CDC16: variants seen among roughly 807,000 people sequenced by gnomAD.
CDC16 encodes the protein cell division cycle protein 16 homolog.
Under a neutral mutation model 87.0 loss-of-function variants are expected in CDC16, and 34 were observed. The ratio of observed to expected loss-of-function variants is 0.39; its 90% CI spans 0.30 to 0.52. CDC16 has a LOEUF of 0.52. Among genes scored for constraint, CDC16 ranks in the 20% least tolerant of loss-of-function variants. The pLI is 0.74. For synonymous variants in CDC16, 263 were observed against 260.6 expected (o/e 1.01, Z -0.09); for missense variants, 653 against 751.9 (o/e 0.87, Z 1.54).
intron 8 of CDC16, 23 bp from the exon 9 acceptor site, chr13:114,244,867 T>TAA (rs757314247): frequency 3.5e-5 from 54 of 1,555,178 alleles, no homozygotes; most frequent in Non-Finnish European, 4.6e-5. Flanking sequence ...TTGGGGGTAG[T>TAA]AATGTGTCGC....
chr13:114,263,052 A>G (rs754116190), intron 16 of CDC16, 38 bp downstream of exon 16: 1 of 1,560,756 alleles, frequency 6.4e-7, no homozygotes, highest in South Asian at 1.1e-5. Context: ...AAATCTGGTT[A>G]ACATTGACCA....
chr13:114,270,204 G>C (rs950370638), intron 17 of CDC16, among the ~76,000 whole-genome samples: 6 of 152,098 alleles, frequency 3.9e-5, no homozygotes, highest in African/African-American at 1.4e-4. Flanking sequence ...TGGCTTCCGG[G>C]GAGGCCTCAG....
chr13:114,235,126 C>G lies in CDC16; in HGVS notation c.42C>G (p.Leu14=), dbSNP rs1330715994. 18 of 1,244,238 alleles carry G rather than the reference C, an allele frequency of 1.4e-5. No individual in the cohort carries two copies. The highest frequency in any genetic ancestry group is 3.1e-5 in the East Asian group (1 of 31,816). 77.1% of individuals were successfully genotyped at this position (1,244,238 alleles called of 1,614,324 possible). Residue 14 remains leucine (L), a synonymous_variant, in exon 1 of 18, where the codon CTC becomes CTG. Transcript: ENST00000356221. ...TGCGGAAGCGCGTCCGGCAGTACCT[C>G]GACCAGGTGGGCGGCCCCGACTCGG... ...ERLRKRVRQY[L]DQQQYQSALF...
At position 114,254,329 on chromosome 13, in the gene CDC16, T is replaced by C. The variant is rs141790317; in HGVS notation, c.1098-2749T>C. Reference sequence around the variant, plus strand: ...CCTGTATTTCTTCTTTTGTGTTGAGTAAATATTTTATAATGTCCCATTTTA... The same window carrying C: ...CCTGTATTTCTTCTTTTGTGTTGAGCAAATATTTTATAATGTCCCATTTTA... On this transcript the variant is annotated intron_variant, in intron 12 of 17. Coordinates refer to ENST00000356221, the MANE Select transcript of CDC16 (RefSeq NM_001078645.3). 3.7e-4 allele frequency among the ~76,000 whole-genome samples: 56 copies of C among 152,348 alleles called. No individual in the cohort carries two copies. In the East Asian group the frequency reaches 9.4e-3, roughly 26 times the overall value.
chr13:114,246,659 C>T (rs901528643), intron 10 of CDC16, among the ~76,000 whole-genome samples: 1 of 152,200 alleles, frequency 6.6e-6, no homozygotes, highest in Non-Finnish European at 1.5e-5. Flanking sequence ...GGGAGATGAG[C>T]AGTGCAGGGG....
Position 114,243,978 on chromosome 13 carries a change from G to A in CDC16, c.756G>A (p.Lys252=), listed in dbSNP as rs1566644213. The A allele has an allele frequency of 2.5e-6, 4 of 1,608,278 alleles. No homozygotes were observed. Among genetic ancestry groups the A allele is most frequent in the Non-Finnish European group, 3.4e-6 (4 of 1,175,386 alleles). Reference sequence around the variant, plus strand: ...ACTGTGATTTTAAAATGTGCTACAAGCTTACTTCTGTGTAAGTATATCCAT... The same window carrying A: ...ACTGTGATTTTAAAATGTGCTACAAACTTACTTCTGTGTAAGTATATCCAT... ...YYNCDFKMCY[K]LTSVVMEKDP... Residue 252 remains lysine, a synonymous_variant, in exon 8 of 18, where the codon AAG becomes AAA. Transcript: ENST00000356221.
At chr13:114,254,326 G>C (rs1343928666) in intron 12 of CDC16, among the ~76,000 whole-genome samples, 1 of 151,952 alleles carries the variant, frequency 6.6e-6, no homozygotes, top group Non-Finnish European at 1.5e-5. Context: ...CTTTTGTGTT[G>C]AGTAAATATT....
At chr13:114,259,286 A>G (rs534129357) in intron 13 of CDC16, 49 bp from the exon 14 acceptor site, 3 of 1,396,460 alleles carry the variant, frequency 2.1e-6, no homozygotes, top group African/African-American at 1.5e-5. Context: ...TTTAAAGTTT[A>G]TATTTGCTAA....
At chr13:114,246,879 A>G in intron 10 of CDC16, 52 bp from the exon 11 acceptor site, 4 of 1,115,034 alleles carry the variant, frequency 3.6e-6, no homozygotes, top group Non-Finnish European at 5.5e-6. Context: ...GCAGATTCCA[A>G]TTAGATATTC....
chr13:114,236,454 G>A (rs141006834), intron 1 of CDC16, among the ~76,000 whole-genome samples, 191 bp from the exon 2 acceptor site: 1 of 152,204 alleles, frequency 6.6e-6, no homozygotes, highest in Non-Finnish European at 1.5e-5. Flanking sequence ...TGTTTGTATT[G>A]CGACACTGAA....
intron 17 of CDC16, among the ~76,000 whole-genome samples, chr13:114,271,802 T>C (rs2083694491): frequency 6.6e-6 from 1 of 152,142 alleles, no homozygotes; most frequent in African/African-American, 2.4e-5. Flanking sequence ...TTCTTACCTG[T>C]AACAGCTGAG....
intron 17 of CDC16, among the ~76,000 whole-genome samples, chr13:114,267,791 C>A (rs2083334274): frequency 6.9e-6 from 1 of 145,572 alleles, no homozygotes. Context: ...TGAAACATGG[C>A]TGGATTTTTC....
chr13:114,242,913 T>TA (rs2081627377), intron 6 of CDC16, among the ~76,000 whole-genome samples: 2 of 151,910 alleles, frequency 1.3e-5, no homozygotes, highest in African/African-American at 4.8e-5. Context: ...TATCTAGTGG[T>TA]TAGTGGCCAG....
intron 17 of CDC16, among the ~76,000 whole-genome samples, chr13:114,268,680 G>C (rs1026621491): frequency 6.6e-6 from 1 of 152,194 alleles, no homozygotes; most frequent in African/African-American, 2.4e-5. Context: ...AAACCATAAT[G>C]ATGGTGGTGT....
Position 114,240,127 on chromosome 13 carries a change from T to C in CDC16, c.381+637T>C, listed in dbSNP as rs17291083. ...TCACAGAGCTTTGCAAACCTCACCA[T>C]GGTCAATTTTAGAATATTTTTATTA... On this transcript the variant is annotated intron_variant, in intron 5 of 17. Coordinates refer to ENST00000356221, the MANE Select transcript of CDC16 (RefSeq NM_001078645.3). 1.7e-3 allele frequency among the ~76,000 whole-genome samples: 253 copies of C among 152,318 alleles called. 1 individual carries two copies. The highest frequency in any genetic ancestry group is 0.01 in the Middle Eastern group (3 of 294).
At chr13:114,257,948 G>A (rs781418993) in intron 13 of CDC16, among the ~76,000 whole-genome samples, 8 of 151,866 alleles carry the variant, frequency 5.3e-5, no homozygotes, top group South Asian at 2.1e-4. Flanking sequence ...CACCACGCCC[G>A]GCTAATTTTT....
At chr13:114,257,023 T>G in intron 12 of CDC16, 55 bp from the exon 13 acceptor site, 1 of 1,183,126 alleles carries the variant, frequency 8.5e-7, no homozygotes, top group Non-Finnish European at 1.2e-6. Flanking sequence ...ACAGATTAAT[T>G]TCTGCTAAAT....
At chr13:114,263,323 TTTCTG>T (rs1258852632) in intron 16 of CDC16, among the ~76,000 whole-genome samples, 2 of 152,232 alleles carry the variant, frequency 1.3e-5, no homozygotes, top group Non-Finnish European at 2.9e-5. Context: ...ACTCGCAGTC[TTTCTG>T]TTCATGACTG....
intron 15 of CDC16, among the ~76,000 whole-genome samples, chr13:114,262,532 T>C (rs552942574): frequency 3.9e-5 from 6 of 152,372 alleles, no homozygotes; most frequent in African/African-American, 1.2e-4. Context: ...TGCTTTTATC[T>C]ACCCCTGATA....
Sources: allele counts gnomAD v4.1 joint callset (sites outside exome capture counted in the v4.1 genomes callset), GRCh38; gene constraint gnomAD v4.1.1; transcripts MANE v1.5; gene names NCBI Gene and HGNC (gene_info 2026-07-23, HGNC 2026-07-21).